APBB1IP: variants seen among roughly 807,000 people sequenced by gnomAD.
APBB1IP encodes the protein amyloid beta A4 precursor protein-binding family B member 1-interacting protein.
A neutral mutation model predicts 64.9 loss-of-function variants in APBB1IP; 27 were observed. The ratio of observed to expected loss-of-function variants is 0.42; its 90% confidence interval spans 0.31 to 0.57. APBB1IP has a LOEUF of 0.57. Ranked by LOEUF, APBB1IP falls within the 20% of genes least tolerant of loss-of-function variation. APBB1IP has a pLI of 0.20. For missense variants in APBB1IP, 812 were observed against 845.5 expected (o/e 0.96, Z 0.49); for synonymous variants, 392 against 331.0 (o/e 1.18, Z -2.00).
intron 8 of APBB1IP, among the ~76,000 whole-genome samples, chr10:26,517,011 C>T (rs751756845): frequency 3.5e-4 from 53 of 152,164 alleles, no homozygotes; most frequent in Non-Finnish European, 6.5e-4. Context: ...TTTCTCGCCC[C>T]GAAATGCTGA....
At chr10:26,504,436 G>A (rs74128336) in intron 6 of APBB1IP, among the ~76,000 whole-genome samples, 6,552 of 152,236 alleles carry the variant, frequency 0.043, 483 homozygotes, top group African/African-American at 0.15. Context: ...TAGGCTGGGC[G>A]CGGTGGCTCA....
At chr10:26,533,982 G>A (rs1357668765) in intron 9 of APBB1IP, among the ~76,000 whole-genome samples, 1 of 151,752 alleles carries the variant, frequency 6.6e-6, no homozygotes, top group Non-Finnish European at 1.5e-5. Context: ...CCGCCCCCCC[G>A]AGAACCTGAC....
intron 3 of APBB1IP, 134 bp downstream of exon 3, chr10:26,492,532 G>T (rs1294178555): frequency 1.3e-6 from 1 of 750,778 alleles, no homozygotes; most frequent in African/African-American, 1.8e-5. Context: ...TTCAATGTAG[G>T]TTCTTTTCTA....
At chr10:26,560,887 G>C in intron 13 of APBB1IP, 43 bp downstream of exon 13, 4 of 1,467,590 alleles carry the variant, frequency 2.7e-6, no homozygotes, top group Non-Finnish European at 3.7e-6. Context: ...TCAAAGCTTG[G>C]TGCTCCAGTT....
chr10:26,487,183 T>C (rs943851871), intron 2 of APBB1IP, among the ~76,000 whole-genome samples: 11 of 147,206 alleles, frequency 7.5e-5, no homozygotes, highest in African/African-American at 1.1e-4. Context: ...GACTTTTAGC[T>C]GTCAGGGCTG....
At chr10:26,509,722 T>C (rs1392520242) in intron 6 of APBB1IP, 1 of 152,208 alleles carries the variant, frequency 6.6e-6, no homozygotes, top group East Asian at 1.9e-4. Context: ...TAATCCAAAC[T>C]TGTGGAGAGA....
intron 2 of APBB1IP, among the ~76,000 whole-genome samples, chr10:26,479,767 A>G (rs1450997948): frequency 6.6e-6 from 1 of 152,322 alleles, no homozygotes; most frequent in East Asian, 1.9e-4. Context: ...TTTTCTGTAT[A>G]GATGATTTAG....
At chr10:26,518,254 A>ATT (rs60123054) in intron 8 of APBB1IP, among the ~76,000 whole-genome samples, 6,376 of 139,188 alleles carry the variant, frequency 0.046, 149 homozygotes, top group South Asian at 0.091. Flanking sequence ...CGCCCAGCCT[A>ATT]TTTTTTTTTT....
At chr10:26,522,119 T>C (rs1211460930) in intron 8 of APBB1IP, among the ~76,000 whole-genome samples, 2 of 152,222 alleles carry the variant, frequency 1.3e-5, no homozygotes, top group Non-Finnish European at 2.9e-5. Context: ...TTAAAAAAAC[T>C]ATTCAACGGA....
At chr10:26,532,541 G>A (rs181594986) in intron 8 of APBB1IP, among the ~76,000 whole-genome samples, 1 of 152,026 alleles carries the variant, frequency 6.6e-6, no homozygotes, top group African/African-American at 2.4e-5. Flanking sequence ...GAGTGCAGTG[G>A]AGTGATCATA....
chr10:26,539,941 G>A (rs376338454), intron 10 of APBB1IP, among the ~76,000 whole-genome samples: 4 of 152,152 alleles, frequency 2.6e-5, no homozygotes, highest in African/African-American at 9.7e-5. Flanking sequence ...AAATTTTGGT[G>A]GAAGTGGGTA....
At chr10:26,549,129 A>C (rs1836801328) in intron 11 of APBB1IP, among the ~76,000 whole-genome samples, 1 of 152,194 alleles carries the variant, frequency 6.6e-6, no homozygotes, top group Non-Finnish European at 1.5e-5. Flanking sequence ...TGTCACATTT[A>C]TTGATTTGTA....
chr10:26,440,333 T>C (rs1835326676), intron 2 of APBB1IP, among the ~76,000 whole-genome samples: 1 of 152,200 alleles, frequency 6.6e-6, no homozygotes, highest in African/African-American at 2.4e-5. Flanking sequence ...TTTGAATTGG[T>C]CCCAACTGGA....
At chr10:26,455,864 G>A (rs150068032) in intron 2 of APBB1IP, among the ~76,000 whole-genome samples, 197 of 152,202 alleles carry the variant, frequency 1.3e-3, no homozygotes, top group Non-Finnish European at 2.3e-3. Context: ...TGTTCATACC[G>A]GCATAATTTG....
At chr10:26,559,490 T>C (rs1836939097) in intron 11 of APBB1IP, among the ~76,000 whole-genome samples, 1 of 151,978 alleles carries the variant, frequency 6.6e-6, no homozygotes, top group Admixed American at 6.6e-5. Flanking sequence ...GGAGGGAGGA[T>C]CTCTTGAGCC....
At chr10:26,470,134 C>T (rs1179499755) in intron 2 of APBB1IP, among the ~76,000 whole-genome samples, 2 of 152,178 alleles carry the variant, frequency 1.3e-5, no homozygotes, top group Admixed American at 1.3e-4. Flanking sequence ...GGTGCAAAAG[C>T]AACACACATT....
At chr10:26,512,461 T>A (rs1256805888) in intron 7 of APBB1IP, among the ~76,000 whole-genome samples, 1 of 152,164 alleles carries the variant, frequency 6.6e-6, no homozygotes, top group Non-Finnish European at 1.5e-5. Context: ...TCATTTCCCC[T>A]TCCTCCCTCC....
chr10:26,441,267 A>G (rs900717566), intron 2 of APBB1IP, among the ~76,000 whole-genome samples: 1 of 152,216 alleles, frequency 6.6e-6, no homozygotes, highest in African/African-American at 2.4e-5. Flanking sequence ...CACTGGTTGC[A>G]TGGGGATTTT....
intron 6 of APBB1IP, 117 bp from the exon 7 acceptor site, chr10:26,511,630 T>C: frequency 8.0e-7 from 1 of 1,252,948 alleles, no homozygotes; most frequent in Non-Finnish European, 1.1e-6. Context: ...ATGGAGCAAG[T>C]TCACCAAACA....
Sources: allele counts gnomAD v4.1 joint callset (sites outside exome capture counted in the v4.1 genomes callset), GRCh38; gene constraint gnomAD v4.1.1; transcripts MANE v1.5; gene names NCBI Gene and HGNC (gene_info 2026-07-23, HGNC 2026-07-21).